PDE4A: variants seen among roughly 807,000 people sequenced by gnomAD.
PDE4A encodes the protein 3',5'-cyclic-AMP phosphodiesterase 4A.
In PDE4A, 21 loss-of-function variants were observed where a neutral mutation model predicts 73.9. The ratio of observed to expected loss-of-function variants is 0.28; its 90% CI spans 0.20 to 0.41. The LOEUF (loss-of-function observed/expected upper bound fraction) is 0.41, where lower values mean the gene tolerates loss of function less well. Among genes scored for constraint, PDE4A ranks in the 10% least tolerant of loss-of-function variants. The pLI is 1.00. For missense variants in PDE4A, 958 were observed against 1,211.4 expected (o/e 0.79, Z 3.10); for synonymous variants, 463 against 505.4 (o/e 0.92, Z 1.13).
intron 14 of PDE4A, chr19:10,464,440 C>G (rs896265760): frequency 2.2e-6 from 1 of 455,064 alleles, no homozygotes; most frequent in Non-Finnish European, 4.4e-6. Context: ...ATTTTGAGAC[C>G]GGGTCTTGCA....
At chr19:10,417,494 G>A (rs1245019466), upstream of PDE4A, 1 of 980,756 alleles carries the variant, frequency 1.0e-6, no homozygotes, top group African/African-American at 1.8e-5. Flanking sequence ...CTAAGGGATG[G>A]CAGGGCACCC....
intron 1 of PDE4A, among the ~76,000 whole-genome samples, chr19:10,435,320 G>A (rs2042850331): frequency 1.3e-5 from 2 of 152,064 alleles, no homozygotes; most frequent in Non-Finnish European, 2.9e-5. Flanking sequence ...TTTTGAGAGG[G>A]CGAGACTTTG....
chr19:10,464,497 G>C, intron 14 of PDE4A: 1 of 451,242 alleles, frequency 2.2e-6, no homozygotes, highest in Non-Finnish European at 4.4e-6. Flanking sequence ...GCTCACTGCA[G>C]CCTTGAATTC....
Position 10,449,108 on chromosome 19 carries a change from G to T in PDE4A, c.578G>T (p.Ser193Ile), listed in dbSNP as rs755125636. ...QVLASLRSVRSNFSLLTNVPV... is the reference protein window; with the variant it reads ...QVLASLRSVRINFSLLTNVPV... ...CTGGCCAGCCTCCGGAGCGTCCGTA[G>T]CAACTTCTCACTCCTGACCAATGTG... The change falls in exon 4 of 15, where the codon AGC becomes ATC. Residue 193 changes from serine to isoleucine, a missense_variant. Physicochemically the swap from Ser to Ile is moderately radical, Grantham distance 142. Coordinates refer to ENST00000380702, the MANE Select transcript of PDE4A (RefSeq NM_001111307.2). 6.2e-7 allele frequency: 1 copy of T among 1,613,638 alleles called. No homozygotes were observed. The highest frequency in any genetic ancestry group is 8.5e-7 in the Non-Finnish European group (1 of 1,179,832).
chr19:10,441,374 G>A (rs894677241), intron 1 of PDE4A, among the ~76,000 whole-genome samples: 19 of 151,004 alleles, frequency 1.3e-4, no homozygotes, highest in South Asian at 1.0e-3. Context: ...TGATCTGCCC[G>A]CCTAGGCCTC....
At chr19:10,448,231 C>A (rs2043040249) in intron 2 of PDE4A, among the ~76,000 whole-genome samples, 1 of 151,694 alleles carries the variant, frequency 6.6e-6, no homozygotes, top group South Asian at 2.1e-4. Context: ...TCCCAAGTAG[C>A]TGAGACTACA....
chr19:10,418,629 TCCACGCCCATC>T (rs1187067702), upstream of PDE4A: 2 of 302,526 alleles, frequency 6.6e-6, no homozygotes, highest in Non-Finnish European at 9.7e-6. Flanking sequence ...ATTATACCTC[TCCACGCCCATC>T]CCACTAGCCT....
At chr19:10,450,418 T>C (rs1470057454) in intron 4 of PDE4A, 185 bp from the exon 5 acceptor site, 51 of 876,356 alleles carry the variant, frequency 5.8e-5, no homozygotes, top group Non-Finnish European at 6.3e-5. Flanking sequence ...AGCCTCAGTT[T>C]CCACATCTAT....
chr19:10,458,592 G>C lies in PDE4A; in HGVS notation c.1101+490G>C, dbSNP rs2043208180. On this transcript the variant is annotated intron_variant, in intron 8 of 14. Transcript: ENST00000380702. This position sits in a 1 kb window ranked among gnomAD's most constrained non-coding sequence, Gnocchi z 4.6. Reference sequence around the variant, plus strand: ...CCTCCTCCAGTGAATCTTCCATTCAGTCACCTGGCCTTTAGTTATTTATTT... The same window carrying C: ...CCTCCTCCAGTGAATCTTCCATTCACTCACCTGGCCTTTAGTTATTTATTT... Among the ~76,000 whole-genome samples the C allele has an allele frequency of 6.6e-6, 1 of 152,152 alleles. No homozygotes were observed. Among genetic ancestry groups the C allele is most frequent in the African/African-American group, 2.4e-5 (1 of 41,440 alleles).
chr19:10,457,985 C>T lies in PDE4A; in HGVS notation c.984C>T (p.His328=). The change falls in exon 8 of 15, where the codon CAC becomes CAT. Residue 328 remains histidine, a synonymous_variant. Transcript: ENST00000380702. The part of the protein sequence containing the change: ...PSQPPPPPVP[H]LQPMSQITGL... ...AGCCGCCCCCGCCCCCTGTACCACACTTACAGCCCATGTCCCAAATCACAG... is the reference window on the plus strand; with the variant it reads ...AGCCGCCCCCGCCCCCTGTACCACATTTACAGCCCATGTCCCAAATCACAG... 6.2e-7 allele frequency: 1 copy of T among 1,613,936 alleles called. No homozygotes were observed. Among genetic ancestry groups the T allele is most frequent in the South Asian group, 1.1e-5 (1 of 91,080 alleles).
chr19:10,421,010 C>A lies in PDE4A; in HGVS notation c.246C>A (p.Thr82=), dbSNP rs1298014936. Residue 82 remains threonine (T), a synonymous_variant, in exon 1 of 15, where the codon ACC becomes ACA. Transcript: ENST00000380702. ...DTSDRPGLRT[T]RMSWPSSFHG... ...GCGACCGGCCCGGCCTGCGCACGAC[C>A]CGCATGTCCTGGCCCTCGTCCTTCC... 2 of 1,508,796 alleles carry A rather than the reference C, an allele frequency of 1.3e-6. No individual in the cohort carries two copies. Among genetic ancestry groups the A allele is most frequent in the Admixed American group, 4.2e-5 (2 of 47,492 alleles). The allele number at this position is 1,508,796 out of a possible 1,614,324, so 93.5% of individuals were successfully genotyped here.
intron 1 of PDE4A, among the ~76,000 whole-genome samples, chr19:10,443,037 G>A (rs1204276274): frequency 6.6e-6 from 1 of 151,736 alleles, no homozygotes; most frequent in Non-Finnish European, 1.5e-5. Flanking sequence ...AAATTATCTG[G>A]GTGTGGTGGC....
intron 10 of PDE4A, among the ~76,000 whole-genome samples, 173 bp downstream of exon 10, chr19:10,459,932 G>A (rs1470379446): frequency 1.3e-5 from 2 of 151,988 alleles, no homozygotes; most frequent in Non-Finnish European, 2.9e-5. Context: ...CCAGGCTAGA[G>A]TGCAGTGGCA....
intron 13 of PDE4A, among the ~76,000 whole-genome samples, 178 bp downstream of exon 13, chr19:10,462,177 A>G (rs2043284374): frequency 1.3e-5 from 2 of 151,796 alleles, no homozygotes; most frequent in Admixed American, 1.3e-4. Flanking sequence ...CTTGTTGCCC[A>G]GGCTGGAATG....
At chr19:10,465,313 C>T (rs867238447) in intron 14 of PDE4A, among the ~76,000 whole-genome samples, 9 of 151,626 alleles carry the variant, frequency 5.9e-5, no homozygotes, top group East Asian at 1.9e-4. Flanking sequence ...CTCCGCCTCT[C>T]GGGTTCAAGC....
chr19:10,453,002 G>T lies in PDE4A; in HGVS notation c.784-1827G>T. ...CCCTTGCCCTGCCCCCCTCCCATGGGCACGGACCCCCCACCGCCTCCACCC... is the reference window on the plus strand; with the variant it reads ...CCCTTGCCCTGCCCCCCTCCCATGGTCACGGACCCCCCACCGCCTCCACCC... On this transcript the variant is annotated intron_variant, in intron 6 of 14. Coordinates refer to ENST00000380702, the MANE Select transcript of PDE4A (RefSeq NM_001111307.2). This position sits in a 1 kb window ranked among gnomAD's most constrained non-coding sequence, Gnocchi z 4.6. The T allele has an allele frequency of 1.5e-6, 2 of 1,295,456 alleles. No individual in the cohort carries two copies. The highest frequency in any genetic ancestry group is 2.0e-6 in the Non-Finnish European group (2 of 1,019,770). 80.2% of individuals were successfully genotyped at this position (1,295,456 alleles called of 1,614,324 possible). A position where few individuals can be genotyped will look rare whatever the true frequency, so the allele number is the denominator to read the frequency against.
chr19:10,421,732 A>G (rs1246572061), intron 1 of PDE4A, among the ~76,000 whole-genome samples: 1 of 151,798 alleles, frequency 6.6e-6, no homozygotes, highest in South Asian at 2.1e-4. Flanking sequence ...GAAACAGTGG[A>G]GGGGGGGCGC....
chr19:10,455,860 C>G (rs982875779), intron 7 of PDE4A, among the ~76,000 whole-genome samples: 2 of 152,038 alleles, frequency 1.3e-5, no homozygotes, highest in Non-Finnish European at 2.9e-5. Context: ...GATTGACTCC[C>G]TTCCAAACTC....
At chr19:10,436,298 G>A (rs1339996182) in intron 1 of PDE4A, among the ~76,000 whole-genome samples, 1 of 152,150 alleles carries the variant, frequency 6.6e-6, no homozygotes. Flanking sequence ...GCTCACACCT[G>A]TAATCCCAGC....
Sources: gnomAD v4.1 joint callset for allele counts (sites outside exome capture counted in the v4.1 genomes callset) on GRCh38, gnomAD v4.1.1 for gene constraint, Gnocchi (gnomAD v3.1) non-coding constraint, MANE v1.5 for transcripts, NCBI Gene and HGNC (gene_info 2026-07-23, HGNC 2026-07-21) for gene names.